PTPN13: variants seen among roughly 807,000 people sequenced by gnomAD.
PTPN13 encodes the protein tyrosine-protein phosphatase non-receptor type 13.
PTPN13 carries 191 observed loss-of-function variants against 284.0 expected under a neutral mutation model. The ratio of observed to expected loss-of-function variants is 0.67; its 90% CI spans 0.60 to 0.76. The LOEUF is 0.76. PTPN13 is among the 30% of genes least tolerant of loss of function. The pLI is 0.00. For missense variants in PTPN13, 2,797 were observed against 2,939.9 expected (o/e 0.95, Z 1.12); for synonymous variants, 986 against 1,022.3 (o/e 0.96, Z 0.68).
Position 86,751,652 on chromosome 4 carries a change from A to G in PTPN13, c.3166+528A>G, listed in dbSNP as rs114178149. ...TTCTCTTGGTCACAGTTGCCATGAC[A>G]GTCTTACTAAGACTGTCATGTGCCA... On this transcript the variant is annotated intron_variant, in intron 19 of 47. Transcript: ENST00000411767. Among the ~76,000 whole-genome samples, 1,477 of 152,248 alleles carry G rather than the reference A, an allele frequency of 9.7e-3. 33 individuals are homozygous for G. The highest frequency in any genetic ancestry group is 0.034 in the African/African-American group (1,414 of 41,550).
intron 2 of PTPN13, among the ~76,000 whole-genome samples, chr4:86,646,112 T>A (rs1724390917): frequency 6.6e-6 from 1 of 151,352 alleles, no homozygotes; most frequent in South Asian, 2.1e-4. Context: ...TAAAAAAAAA[T>A]GAGACGGTAG....
intron 17 of PTPN13, among the ~76,000 whole-genome samples, chr4:86,748,646 G>A (rs761256950): frequency 6.6e-6 from 1 of 151,958 alleles, no homozygotes; most frequent in Non-Finnish European, 1.5e-5. Flanking sequence ...ATATTTTGAG[G>A]TAAAGATGAT....
chr4:86,606,527 A>G (rs1337772606), intron 1 of PTPN13, among the ~76,000 whole-genome samples: 3 of 151,878 alleles, frequency 2.0e-5, no homozygotes, highest in African/African-American at 7.2e-5. Context: ...GAATGAAATA[A>G]TGAAAATAAT....
At chr4:86,736,999 C>T (rs989951539) in intron 15 of PTPN13, among the ~76,000 whole-genome samples, 1 of 152,116 alleles carries the variant, frequency 6.6e-6, no homozygotes, top group African/African-American at 2.4e-5. Context: ...AAATATCTTT[C>T]GTAAATCTGC....
intron 2 of PTPN13, among the ~76,000 whole-genome samples, chr4:86,640,114 T>TTTATGTGTTTTTTTAAAATGCTTTCTTG (rs1723609383): frequency 6.6e-6 from 1 of 152,158 alleles, no homozygotes; most frequent in Non-Finnish European, 1.5e-5. Flanking sequence ...TGTTTTTTAA[T>TTTATGTGTTTTTTTAAAATGCTTTCTTG]TCAGAGACAG....
In PTPN13 at chr4:86,731,735, A is replaced by G. The variant is rs28501256; in HGVS notation, c.1609-665A>G. 3.9e-3 allele frequency among the ~76,000 whole-genome samples: 594 copies of G among 152,248 alleles called. 4 individuals are homozygous for G. Among genetic ancestry groups the G allele is most frequent in the Middle Eastern group, 6.8e-3 (2 of 294 alleles). On this transcript the variant is annotated intron_variant, in intron 10 of 47. Coordinates refer to ENST00000411767, the MANE Select transcript of PTPN13 (RefSeq NM_080683.3). ...TATAGCTCACAGCAGCCTGGAACTC[A>G]TGGGCACAAGTTATCCTCTGGCCTC...
intron 2 of PTPN13, among the ~76,000 whole-genome samples, chr4:86,664,323 G>A (rs1030722256): frequency 4.6e-5 from 7 of 152,072 alleles, no homozygotes; most frequent in Non-Finnish European, 4.4e-5. Flanking sequence ...GTATTTTCTG[G>A]GTGAATAATT....
chr4:86,670,171 CTTTTT>C (rs201314867), intron 2 of PTPN13, among the ~76,000 whole-genome samples: 1 of 110,266 alleles, frequency 9.1e-6, no homozygotes, highest in Non-Finnish European at 1.9e-5. Flanking sequence ...TATCTTAATT[CTTTTT>C]TTTTTTTTTT....
At chr4:86,697,976 A>C (rs1399795785) in intron 6 of PTPN13, among the ~76,000 whole-genome samples, 1 of 152,194 alleles carries the variant, frequency 6.6e-6, no homozygotes, top group East Asian at 1.9e-4. Context: ...TACCCAAGGA[A>C]TACAAATATG....
intron 2 of PTPN13, among the ~76,000 whole-genome samples, chr4:86,637,482 T>C (rs1723165291): frequency 6.6e-6 from 1 of 151,712 alleles, no homozygotes; most frequent in African/African-American, 2.4e-5. Flanking sequence ...TTATCCACCA[T>C]GATCAAGTGG....
intron 3 of PTPN13, among the ~76,000 whole-genome samples, chr4:86,677,407 C>T (rs182971988): frequency 5.3e-5 from 8 of 151,252 alleles, no homozygotes; most frequent in African/African-American, 1.9e-4. Context: ...CTCCACCTCC[C>T]GGGTTCAAGT....
chr4:86,774,678 C>T (rs1214562555), intron 33 of PTPN13, 147 bp downstream of exon 33: 3 of 408,686 alleles, frequency 7.3e-6, no homozygotes, highest in Non-Finnish European at 1.2e-5. Context: ...GCCTTCATAT[C>T]GTTAACAGTT....
intron 31 of PTPN13, 48 bp downstream of exon 31, chr4:86,771,583 G>A (rs373276783): frequency 2.7e-6 from 4 of 1,469,292 alleles, no homozygotes; most frequent in African/African-American, 2.8e-5. Context: ...GTTGTTGTTA[G>A]TAGCAGTAGC....
At chr4:86,640,896 TA>T (rs1723710121) in intron 2 of PTPN13, among the ~76,000 whole-genome samples, 1 of 152,166 alleles carries the variant, frequency 6.6e-6, no homozygotes, top group South Asian at 2.1e-4. Flanking sequence ...CTGGTTAGCA[TA>T]AGGCCTCCAG....
intron 1 of PTPN13, among the ~76,000 whole-genome samples, chr4:86,606,400 T>C (rs1764744644): frequency 6.6e-6 from 1 of 151,934 alleles, no homozygotes; most frequent in Non-Finnish European, 1.5e-5. Context: ...AGTGTGACTT[T>C]ACTGTTAGTC....
rs1030155995 is a variant in PTPN13 at position 86,750,504 on chromosome 4, A to G, written c.2685A>G (p.Ala895=). Residue 895 remains alanine (A), a synonymous_variant, in exon 18 of 48, where the codon GCA becomes GCG. Transcript: ENST00000411767. ...RASFRSLNLQ[A]ESVRGFNMGR... ...CGTTTAGGAGCCTGAATCTCCAAGC[A>G]GAGTCTGTTAGAGGATTTAATATGG... 1.5e-5 allele frequency: 24 copies of G among 1,613,596 alleles called. No homozygotes were observed. Among genetic ancestry groups the G allele is most frequent in the African/African-American group, 1.3e-5 (1 of 74,918 alleles).
At chr4:86,669,285 G>GTATATATATATATATATATATA (rs34939020) in intron 2 of PTPN13, among the ~76,000 whole-genome samples, 11 of 113,366 alleles carry the variant, frequency 9.7e-5, no homozygotes, top group East Asian at 2.7e-4. Context: ...GGAAGAAGAT[G>GTATATATATATATATATATATA]TATATATATA....
intron 2 of PTPN13, among the ~76,000 whole-genome samples, chr4:86,654,844 T>G (rs1376633468): frequency 6.6e-6 from 1 of 152,190 alleles, no homozygotes; most frequent in Non-Finnish European, 1.5e-5. Flanking sequence ...AGTGGGGTGT[T>G]AAAGTCTCCC....
rs905030692 is a variant in PTPN13 at position 86,727,440 on chromosome 4, T to C, written c.1609-4960T>C. On this transcript the variant is annotated intron_variant, in intron 10 of 47. Transcript: ENST00000411767. ...AGAATTCGGCTGTCAGTCTCTCTGG[T>C]CTTGGACTTTTTTTGGTTGGTAGGC... is the stretch of plus-strand genomic sequence containing the variant. Among the ~76,000 whole-genome samples the C allele has an allele frequency of 7.4e-5, 11 of 149,520 alleles. 1 individual carries two copies. The highest frequency in any genetic ancestry group is 2.7e-4 in the African/African-American group (11 of 40,974).
Sources: allele counts gnomAD v4.1 joint callset (sites outside exome capture counted in the v4.1 genomes callset), GRCh38; gene constraint gnomAD v4.1.1; transcripts MANE v1.5; gene names NCBI Gene and HGNC (gene_info 2026-07-23, HGNC 2026-07-21).